Variants in SAMD12 observed in about 807,000 individuals in gnomAD.
The protein encoded by SAMD12 is sterile alpha motif domain containing 12.
In SAMD12, 9 loss-of-function variants were observed where a neutral mutation model predicts 15.0. The observed-to-expected ratio is 0.60, with a 90% confidence interval of 0.36 to 1.05. The LOEUF (loss-of-function observed/expected upper bound fraction) is 1.05, where lower values mean the gene tolerates loss of function less well. Among genes scored for constraint, SAMD12 ranks in the 50% least tolerant of loss-of-function variants. The pLI, the probability that SAMD12 is intolerant of heterozygous loss-of-function variation, is 0.01. For missense variants in SAMD12, 230 were observed against 234.2 expected, an observed-to-expected ratio of 0.98 and a Z score of 0.12; for synonymous variants, 86 against 90.1, an observed-to-expected ratio of 0.96 and a Z score of 0.25.
At chr8:118,479,568 G>T (rs1824064059) in intron 2 of SAMD12, among the ~76,000 whole-genome samples, 1 of 152,052 alleles carries the variant, frequency 6.6e-6, no homozygotes. Flanking sequence ...ACAACACTTG[G>T]GAATTATGGG....
intron 1 of SAMD12, among the ~76,000 whole-genome samples, chr8:118,614,782 C>T (rs1828200556): frequency 6.6e-6 from 1 of 152,236 alleles, no homozygotes; most frequent in African/African-American, 2.4e-5. Context: ...TCCTGTCCTG[C>T]TCTTCACGCG....
chr8:118,313,384 C>T (rs898511498), intron 4 of SAMD12, among the ~76,000 whole-genome samples: 9 of 152,104 alleles, frequency 5.9e-5, no homozygotes, highest in Non-Finnish European at 1.0e-4. Flanking sequence ...TCCACTTGGC[C>T]ACGTACAAAG....
At chr8:118,212,913 G>T (rs1271822617) in intron 4 of SAMD12, among the ~76,000 whole-genome samples, 3 of 152,120 alleles carry the variant, frequency 2.0e-5, no homozygotes, top group African/African-American at 7.2e-5. Context: ...CAGATGCAAT[G>T]AAATACGGTA....
chr8:118,434,691 C>G (rs907198987), intron 3 of SAMD12, among the ~76,000 whole-genome samples: 1 of 152,204 alleles, frequency 6.6e-6, no homozygotes, highest in Non-Finnish European at 1.5e-5. Context: ...AAGCTAGGGA[C>G]AGAATCTTGC....
intron 1 of SAMD12, among the ~76,000 whole-genome samples, chr8:118,612,141 A>G (rs1213159051): frequency 6.6e-6 from 1 of 152,198 alleles, no homozygotes; most frequent in Non-Finnish European, 1.5e-5. Flanking sequence ...AGGCAAGACC[A>G]ATTCCTTTCA....
intron 2 of SAMD12, among the ~76,000 whole-genome samples, chr8:118,542,536 C>G (rs941424963): frequency 3.3e-5 from 5 of 152,118 alleles, no homozygotes; most frequent in African/African-American, 1.2e-4. Flanking sequence ...GGGGAGAGCA[C>G]TCTGATTTCA....
At chr8:118,535,248 G>T (rs1290816092) in intron 2 of SAMD12, among the ~76,000 whole-genome samples, 1 of 152,238 alleles carries the variant, frequency 6.6e-6, no homozygotes, top group African/African-American at 2.4e-5. Flanking sequence ...CACCAGTGGA[G>T]GCTGCAGAAC....
chr8:118,489,734 T>G (rs1217974707), intron 2 of SAMD12, among the ~76,000 whole-genome samples: 1 of 152,236 alleles, frequency 6.6e-6, no homozygotes, highest in African/African-American at 2.4e-5. Flanking sequence ...TTTTAGCTCG[T>G]AATGTCCTTC....
At chr8:118,570,386 G>A (rs142842260) in intron 2 of SAMD12, among the ~76,000 whole-genome samples, 17 of 152,028 alleles carry the variant, frequency 1.1e-4, no homozygotes, top group Admixed American at 4.6e-4. Flanking sequence ...ACAGGGTCCC[G>A]TATGTGTTGT....
Position 118,548,069 on chromosome 8 carries a change from T to C in SAMD12, c.192+32646A>G, listed in dbSNP as rs145252321. ...CCACAGCCCAGGAGGACCTTATTTC[T>C]TTCTCAACTCATGAAGAAATTAGTG... On this transcript the variant is annotated intron_variant, in intron 2 of 3. Transcript: ENST00000314727. Among the ~76,000 whole-genome samples the C allele has an allele frequency of 3.9e-3, 590 of 152,246 alleles. 5 individuals carry two copies. The highest frequency in any genetic ancestry group is 0.014 in the African/African-American group (566 of 41,538).
chr8:118,182,795 T>G, the SAMD12 span, among the ~76,000 whole-genome samples: 23 of 152,250 alleles, frequency 1.5e-4, no homozygotes, highest in South Asian at 4.1e-3. Context: ...AAAAGACATA[T>G]CATACATTAA....
At chr8:118,368,875 A>G (rs1458200008) in intron 4 of SAMD12, among the ~76,000 whole-genome samples, 2 of 152,200 alleles carry the variant, frequency 1.3e-5, no homozygotes. Flanking sequence ...GCTTTTATAC[A>G]GGCTTCCCTT....
the SAMD12 span, among the ~76,000 whole-genome samples, chr8:118,176,616 G>A: frequency 1.3e-5 from 2 of 152,028 alleles, no homozygotes; most frequent in Non-Finnish European, 2.9e-5. Context: ...TAAACAACGA[G>A]GACACATGGA....
intron 4 of SAMD12, among the ~76,000 whole-genome samples, chr8:118,367,697 CTCA>C (rs1818872105): frequency 6.6e-6 from 1 of 152,200 alleles, no homozygotes; most frequent in African/African-American, 2.4e-5. Flanking sequence ...CCTAAAATTA[CTCA>C]TCAGTATGCA....
intron 2 of SAMD12, among the ~76,000 whole-genome samples, chr8:118,578,086 G>C (rs1827196008): frequency 6.6e-6 from 1 of 152,142 alleles, no homozygotes; most frequent in Non-Finnish European, 1.5e-5. Context: ...CTCTTATACA[G>C]AGACAGACAT....
At chr8:118,160,386 G>A in the SAMD12 span, among the ~76,000 whole-genome samples, 3 of 152,042 alleles carry the variant, frequency 2.0e-5, no homozygotes, top group South Asian at 6.2e-4. Flanking sequence ...ACCTATATTA[G>A]CCAAATCAAT....
At position 118,379,173 on chromosome 8, in the gene SAMD12, A is replaced by G. The variant is rs1819536831; in HGVS notation, c.*244T>C. 3.2e-6 allele frequency: 4 copies of G among 1,232,702 alleles called. No homozygotes were observed. Among genetic ancestry groups the G allele is most frequent in the Non-Finnish European group, 2.0e-6 (2 of 983,110 alleles). 76.4% of individuals were successfully genotyped at this position (1,232,702 alleles called of 1,614,324 possible). ...GCTAAAGCGCCCTCACAATTGGCGC[A>G]GGTGAAGATAGCTACAGCTGGACTG... On this transcript the variant is annotated 3_prime_UTR_variant, in exon 4 of 4. Coordinates refer to ENST00000314727, the MANE Select transcript of SAMD12 (RefSeq NM_207506.3).
intron 2 of SAMD12, among the ~76,000 whole-genome samples, chr8:118,533,303 GAC>G (rs1206371597): frequency 6.6e-6 from 1 of 152,204 alleles, no homozygotes; most frequent in Non-Finnish European, 1.5e-5. Flanking sequence ...TGGTCTGAGA[GAC>G]AGTTTGTTAT....
chr8:118,550,733 C>A (rs1315110950), intron 2 of SAMD12, among the ~76,000 whole-genome samples: 3 of 151,406 alleles, frequency 2.0e-5, no homozygotes, highest in African/African-American at 7.3e-5. Context: ...CACAGACTGG[C>A]AAATTGGATA....
Sources: gnomAD v4.1 joint callset for allele counts (sites outside exome capture counted in the v4.1 genomes callset) on GRCh38, gnomAD v4.1.1 for gene constraint, MANE v1.5 for transcripts, NCBI Gene and HGNC (gene_info 2026-07-23, HGNC 2026-07-21) for gene names.